Variants in SH3PXD2A observed in about 807,000 individuals in gnomAD.
SH3PXD2A encodes the protein SH3 and PX domain-containing protein 2A.
SH3PXD2A carries 32 observed loss-of-function variants against 115.2 expected under a neutral mutation model. That is an observed-to-expected ratio of 0.28 (90% CI 0.21 to 0.37). The LOEUF (loss-of-function observed/expected upper bound fraction) is 0.37. Ranked by LOEUF, SH3PXD2A falls within the 10% of genes least tolerant of loss-of-function variation. The pLI, the probability that SH3PXD2A is intolerant of heterozygous loss-of-function variation, is 1.00. For missense variants in SH3PXD2A, 1,328 were observed against 1,498.7 expected (o/e 0.89, Z 1.88); for synonymous variants, 610 against 629.1 (o/e 0.97, Z 0.45).
At chr10:103,837,022 G>A (rs766083122) in intron 1 of SH3PXD2A, among the ~76,000 whole-genome samples, 5 of 152,140 alleles carry the variant, frequency 3.3e-5, no homozygotes, top group Non-Finnish European at 5.9e-5. Context: ...TAAGTCTCTC[G>A]TTTGTTTCCT....
At chr10:103,767,784 C>T (rs568324246) in intron 2 of SH3PXD2A, among the ~76,000 whole-genome samples, 1 of 148,798 alleles carries the variant, frequency 6.7e-6, no homozygotes, top group African/African-American at 2.5e-5. Context: ...GAAGAGTTTC[C>T]AGGGTTCTGG....
At chr10:103,854,855 A>G (rs1173610002) in intron 1 of SH3PXD2A, among the ~76,000 whole-genome samples, 1 of 152,118 alleles carries the variant, frequency 6.6e-6, no homozygotes, top group African/African-American at 2.4e-5. Context: ...AGGGCCGAGG[A>G]GATGCGCTTT....
chr10:103,753,487 C>A (rs999070295), intron 3 of SH3PXD2A, among the ~76,000 whole-genome samples: 6 of 135,696 alleles, frequency 4.4e-5, no homozygotes, highest in Admixed American at 1.5e-4. Context: ...CAGAGCAAGA[C>A]CCCATCTCAA....
chr10:103,676,787 C>T (rs1484965778), intron 6 of SH3PXD2A, among the ~76,000 whole-genome samples: 3 of 152,106 alleles, frequency 2.0e-5, no homozygotes, highest in African/African-American at 7.2e-5. Context: ...CACCCCAGGG[C>T]ATTTGTGTGC....
At chr10:103,696,213 T>G (rs1271554033) in intron 5 of SH3PXD2A, among the ~76,000 whole-genome samples, 1 of 152,224 alleles carries the variant, frequency 6.6e-6, no homozygotes, top group African/African-American at 2.4e-5. Flanking sequence ...GTGTCTGGCC[T>G]GCCCGAGCAG....
At chr10:103,778,230 G>C (rs1334252000) in intron 2 of SH3PXD2A, among the ~76,000 whole-genome samples, 2 of 152,210 alleles carry the variant, frequency 1.3e-5, no homozygotes, top group Admixed American at 6.5e-5. Flanking sequence ...CTACTCGGGA[G>C]GCTGAGGCAG....
chr10:103,714,233 C>T (rs2038079166), intron 5 of SH3PXD2A, among the ~76,000 whole-genome samples: 2 of 152,200 alleles, frequency 1.3e-5, no homozygotes, highest in South Asian at 4.1e-4. Context: ...GCTCTGTAGG[C>T]CTTCCTTGGG....
rs528775160 is a variant in SH3PXD2A, at chr10:103,763,753, G to A, written c.229+3341C>T. ...CCCCCTTCTTCAGATGCATGCCCCC[G>A]GCCATGAGAGCCATCATGCCCATGC... On this transcript the variant is annotated intron_variant, in intron 3 of 14. Transcript: ENST00000369774. Among the ~76,000 whole-genome samples, 19 of 152,318 alleles carry A rather than the reference G, an allele frequency of 1.2e-4. No individual in the cohort carries two copies. The South Asian group carries it at 3.9e-3, about 32-fold the overall frequency.
intron 8 of SH3PXD2A, among the ~76,000 whole-genome samples, chr10:103,653,538 G>C (rs1209062199): frequency 6.6e-6 from 1 of 152,172 alleles, no homozygotes; most frequent in Non-Finnish European, 1.5e-5. Flanking sequence ...CCTTGGAGGA[G>C]TTTGGGACAT....
chr10:103,630,546 C>T (rs2036762991), intron 8 of SH3PXD2A, among the ~76,000 whole-genome samples: 1 of 151,852 alleles, frequency 6.6e-6, no homozygotes, highest in Non-Finnish European at 1.5e-5. Flanking sequence ...AACCTGAGTC[C>T]CACAAAACTC....
chr10:103,742,648 CA>C (rs1290995805), intron 3 of SH3PXD2A, among the ~76,000 whole-genome samples: 1 of 152,188 alleles, frequency 6.6e-6, no homozygotes, highest in Non-Finnish European at 1.5e-5. Context: ...GCCCCAAGGA[CA>C]GGGGTGGTTT....
intron 14 of SH3PXD2A, among the ~76,000 whole-genome samples, 157 bp from the exon 15 acceptor site, chr10:103,603,946 G>C (rs1033273532): frequency 6.6e-5 from 10 of 152,134 alleles, no homozygotes; most frequent in Non-Finnish European, 1.2e-4. Context: ...ACCCAATATA[G>C]TAAATAATGC....
intron 3 of SH3PXD2A, among the ~76,000 whole-genome samples, 169 bp downstream of exon 3, chr10:103,766,925 G>A (rs1322943692): frequency 6.6e-6 from 1 of 152,238 alleles, no homozygotes; most frequent in Admixed American, 6.5e-5. Flanking sequence ...TTGGAGGACA[G>A]TGGACTTCAC....
chr10:103,599,258 G>A lies in SH3PXD2A; in HGVS notation c.*2558C>T, dbSNP rs1166571750. ...TACTTACAGCACTGGGGGTCAAGGA[G>A]AGGGGGTCCTTGGGGGGGGCTGGGA... On this transcript the variant is annotated 3_prime_UTR_variant, in exon 15 of 15. Transcript: ENST00000369774. The A allele has an allele frequency of 7.2e-6, 1 of 139,578 alleles. No homozygotes were observed. Among genetic ancestry groups the A allele is most frequent in the African/African-American group, 2.6e-5 (1 of 38,444 alleles). The allele number at this position is 139,578 out of a possible 1,614,324, so 8.6% of individuals were successfully genotyped here. A position where few individuals can be genotyped will look rare whatever the true frequency, so the allele number is the denominator to read the frequency against.
chr10:103,728,897 G>GTTTTTTTTTTTGTTT (rs2038278954), intron 4 of SH3PXD2A, among the ~76,000 whole-genome samples: 1 of 135,904 alleles, frequency 7.4e-6, no homozygotes, highest in Non-Finnish European at 1.6e-5. Flanking sequence ...TTGTTTGTTT[G>GTTTTTTTTTTTGTTT]TTTTTTTTTT....
chr10:103,627,211 A>G lies in SH3PXD2A; in HGVS notation c.605-9T>C. ...GCTCACGAACCACCAGCCTGCAGGG[A>G]GGACAAGAGAGAACAGGACTGTGAG... On this transcript the variant is annotated splice_polypyrimidine_tract_variant and intron_variant, in intron 8 of 14. Transcript: ENST00000369774. This position sits in a 1 kb window ranked among gnomAD's most constrained non-coding sequence, Gnocchi z 4.4. 6.5e-7 allele frequency: 1 copy of G among 1,537,044 alleles called. No homozygotes were observed. Among genetic ancestry groups the G allele is most frequent in the Non-Finnish European group, 9.0e-7 (1 of 1,110,190 alleles).
At chr10:103,678,095 G>A in intron 6 of SH3PXD2A, 1 of 1,286,352 alleles carries the variant, frequency 7.8e-7, no homozygotes. Flanking sequence ...AAGCAGTACA[G>A]TCTCTGGCAG....
intron 5 of SH3PXD2A, among the ~76,000 whole-genome samples, chr10:103,705,386 G>A (rs1310690316): frequency 6.6e-6 from 1 of 152,218 alleles, no homozygotes; most frequent in Non-Finnish European, 1.5e-5. Context: ...GGTGGGAGTG[G>A]TAGTGCTGCT....
At chr10:103,626,626 G>GA (rs112071139) in intron 9 of SH3PXD2A, among the ~76,000 whole-genome samples, 522 of 128,316 alleles carry the variant, frequency 4.1e-3, no homozygotes, top group Admixed American at 8.3e-3. Flanking sequence ...AAAAGAAAAA[G>GA]AAAAAAAAAA....
Sources: allele counts gnomAD v4.1 joint callset (sites outside exome capture counted in the v4.1 genomes callset), GRCh38; gene constraint gnomAD v4.1.1; non-coding constraint Gnocchi (gnomAD v3.1); transcripts MANE v1.5; gene names NCBI Gene and HGNC (gene_info 2026-07-23, HGNC 2026-07-21).